Variants in SGK1 observed in about 807,000 individuals in gnomAD.
SGK1 encodes the protein serum/glucocorticoid regulated kinase 1, also known as serine/threonine-protein kinase Sgk1.
In SGK1, 26 loss-of-function variants were observed where a neutral mutation model predicts 64.2. That is an observed-to-expected ratio of 0.40 (90% confidence interval 0.30 to 0.56). The LOEUF is 0.56. SGK1 is among the 20% of genes least tolerant of loss of function. The pLI, the probability that SGK1 is intolerant of heterozygous loss-of-function variation, is 0.38. For synonymous variants in SGK1, 265 were observed against 239.7 expected, an observed-to-expected ratio of 1.11 and a Z score of -0.98; for missense variants, 519 against 645.6, an observed-to-expected ratio of 0.80 and a Z score of 2.12.
At position 134,204,611 on chromosome 6, in the gene SGK1, T is replaced by C. The variant is rs184713621; in HGVS notation, c.361+2745A>G. 8.8e-3 allele frequency among the ~76,000 whole-genome samples: 1,329 copies of C among 151,002 alleles called. 18 individuals carry two copies. The highest frequency in any genetic ancestry group is 6.8e-3 in the Non-Finnish European group (460 of 67,876). ...TCTTTTTGCCCAGGCTGGAATGCAATGGCACAATCTTGGCTTACTGCAACC... is the reference window on the plus strand; with the variant it reads ...TCTTTTTGCCCAGGCTGGAATGCAACGGCACAATCTTGGCTTACTGCAACC... On this transcript the variant is annotated intron_variant, in intron 3 of 13. Transcript: ENST00000367858.
intron 2 of SGK1, among the ~76,000 whole-genome samples, chr6:134,234,082 T>C (rs891996716): frequency 2.6e-5 from 4 of 152,352 alleles, no homozygotes; most frequent in East Asian, 3.9e-4. Flanking sequence ...AAAATTGTTT[T>C]AATAATAGAA....
chr6:134,196,690 C>G (rs1019593675), intron 3 of SGK1, among the ~76,000 whole-genome samples: 4 of 152,072 alleles, frequency 2.6e-5, no homozygotes, highest in African/African-American at 9.7e-5. Context: ...GTTCAGGAAG[C>G]TGAGAATGAT....
At chr6:134,239,215 A>C (rs1312742606) in intron 2 of SGK1, among the ~76,000 whole-genome samples, 1 of 152,190 alleles carries the variant, frequency 6.6e-6, no homozygotes, top group Non-Finnish European at 1.5e-5. Context: ...TGTCCCACCC[A>C]ACAGAAAGAA....
At chr6:134,202,641 C>T (rs1485270274) in intron 3 of SGK1, among the ~76,000 whole-genome samples, 2 of 151,536 alleles carry the variant, frequency 1.3e-5, no homozygotes, top group Non-Finnish European at 2.9e-5. Flanking sequence ...GAGCAAGATT[C>T]TATCTCAAAA....
intron 5 of SGK1, chr6:134,173,772 T>C: frequency 1.7e-6 from 1 of 584,692 alleles, no homozygotes; most frequent in Non-Finnish European, 3.0e-6. Flanking sequence ...ATAAAACCTT[T>C]TTATGAAATA....
At chr6:134,283,605 TG>T (rs1177193509) in intron 1 of SGK1, among the ~76,000 whole-genome samples, 1 of 151,990 alleles carries the variant, frequency 6.6e-6, no homozygotes, top group East Asian at 1.9e-4. Flanking sequence ...CCCAGCACAT[TG>T]GGAGGCCAAG....
At chr6:134,261,606 A>G (rs184490007) in intron 2 of SGK1, 243 of 563,210 alleles carry the variant, frequency 4.3e-4, no homozygotes, top group African/African-American at 3.6e-3. Context: ...AGAATGTATA[A>G]CACCAAGAGT....
At chr6:134,204,129 A>G (rs1334474370) in intron 3 of SGK1, among the ~76,000 whole-genome samples, 1 of 151,866 alleles carries the variant, frequency 6.6e-6, no homozygotes, top group African/African-American at 2.4e-5. Context: ...ATAAAGCAAA[A>G]ATTGACTGAA....
intron 3 of SGK1, among the ~76,000 whole-genome samples, chr6:134,184,088 C>T (rs1775381106): frequency 6.6e-6 from 1 of 152,050 alleles, no homozygotes; most frequent in Non-Finnish European, 1.5e-5. Context: ...GTTCCCTTTG[C>T]AGGCCAAGCT....
At chr6:134,204,971 TTTTC>T (rs1318000824) in intron 3 of SGK1, among the ~76,000 whole-genome samples, 44 of 115,374 alleles carry the variant, frequency 3.8e-4, no homozygotes, top group East Asian at 1.2e-3. Flanking sequence ...CTTTCTTTCT[TTTTC>T]TTTCTTTCTT....
At chr6:134,228,454 G>A (rs1776222307) in intron 2 of SGK1, among the ~76,000 whole-genome samples, 1 of 152,100 alleles carries the variant, frequency 6.6e-6, no homozygotes, top group Admixed American at 6.5e-5. Context: ...GCATAGAGAA[G>A]GCAAAAGAAT....
At chr6:134,190,267 C>T (rs1775488732) in intron 3 of SGK1, among the ~76,000 whole-genome samples, 1 of 150,330 alleles carries the variant, frequency 6.7e-6, no homozygotes, top group Non-Finnish European at 1.5e-5. Flanking sequence ...CCCTGTCATA[C>T]ATAGTTCCTT....
intron 1 of SGK1, among the ~76,000 whole-genome samples, chr6:134,266,487 C>A (rs1776856112): frequency 6.6e-6 from 1 of 151,964 alleles, no homozygotes; most frequent in Admixed American, 6.6e-5. Flanking sequence ...TGGTGGTGCA[C>A]ACCCGTAACC....
At chr6:134,189,205 G>GGTGT (rs71545087) in intron 3 of SGK1, among the ~76,000 whole-genome samples, 3,606 of 148,100 alleles carry the variant, frequency 0.024, 46 homozygotes, top group African/African-American at 0.034. Context: ...CTTTTATACA[G>GGTGT]GTGTGTGTGT....
intron 3 of SGK1, among the ~76,000 whole-genome samples, chr6:134,204,996 TTTCTCTCTTTCTC>T (rs1775747244): frequency 6.6e-6 from 1 of 152,040 alleles, no homozygotes; most frequent in African/African-American, 2.4e-5. Flanking sequence ...TCTTTCTCTG[TTTCTCTCTTTCTC>T]TCTTTCAGTG....
chr6:134,285,170 C>T (rs1486261434), intron 1 of SGK1, among the ~76,000 whole-genome samples: 1 of 151,862 alleles, frequency 6.6e-6, no homozygotes, highest in Non-Finnish European at 1.5e-5. Flanking sequence ...TAAAAGTGCT[C>T]CCTTTTGGCT....
chr6:134,300,190 G>A (rs984513643), intron 1 of SGK1, among the ~76,000 whole-genome samples: 1 of 152,130 alleles, frequency 6.6e-6, no homozygotes, highest in Non-Finnish European at 1.5e-5. Context: ...AGGAGGGAAA[G>A]GCAGGGAGAA....
At position 134,272,239 on chromosome 6, in the gene SGK1, C is replaced by T. The variant is rs113961305; in HGVS notation, c.70-10091G>A. 6.7e-3 allele frequency among the ~76,000 whole-genome samples: 968 copies of T among 144,706 alleles called. 41 individuals carry two copies. Among genetic ancestry groups the T allele is most frequent in the African/African-American group, 0.023 (913 of 40,430 alleles). The allele number at this position is 144,706 out of a possible 152,430, so 94.9% of individuals were successfully genotyped here. On this transcript the variant is annotated intron_variant, in intron 1 of 13. Coordinates refer to ENST00000367858, the MANE Select transcript of SGK1 (RefSeq NM_001143676.3). ...CACCGCAACCTCCCGTTCCTGGGTT[C>T]AAGGAATTCTCCTGCCTCAGTCTCC... is the stretch of plus-strand genomic sequence containing the variant.
intron 1 of SGK1, among the ~76,000 whole-genome samples, chr6:134,296,110 G>A (rs1480267363): frequency 6.6e-6 from 1 of 152,136 alleles, no homozygotes; most frequent in East Asian, 1.9e-4. Flanking sequence ...GTCATCAGTC[G>A]ACGTGAGTCT....
Sources: gnomAD v4.1 joint callset for allele counts (sites outside exome capture counted in the v4.1 genomes callset) on GRCh38, gnomAD v4.1.1 for gene constraint, MANE v1.5 for transcripts, NCBI Gene and HGNC (gene_info 2026-07-23, HGNC 2026-07-21) for gene names.